The following TASP1 variants were observed in gnomAD, a reference collection of about 807,000 sequenced individuals.
TASP1 encodes the protein taspase 1.
TASP1 carries 16 observed loss-of-function variants against 56.6 expected under a neutral mutation model. The ratio of observed to expected loss-of-function variants is 0.28; its 90% CI spans 0.19 to 0.43. The LOEUF is 0.43. TASP1 is among the 20% of genes least tolerant of loss of function. TASP1 has a pLI of 1.00. For synonymous variants in TASP1, 179 were observed against 184.2 expected (o/e 0.97, Z 0.23); for missense variants, 393 against 511.6 (o/e 0.77, Z 2.24).
chr20:13,393,520 C>A, intron 13 of TASP1: 1 of 794,774 alleles, frequency 1.3e-6, no homozygotes, highest in South Asian at 1.4e-5. Context: ...CAGATTGTCT[C>A]CTCCAACAGT....
chr20:13,418,266 T>C (rs1256915937), intron 12 of TASP1, among the ~76,000 whole-genome samples: 5 of 152,190 alleles, frequency 3.3e-5, no homozygotes, highest in South Asian at 2.1e-4. Flanking sequence ...TTTGGAGAAA[T>C]GTCCATTCCA....
At chr20:13,493,216 G>A (rs6042169) in intron 10 of TASP1, among the ~76,000 whole-genome samples, 127,693 of 152,182 alleles carry the variant, frequency 0.84, 54,043 homozygotes, top group African/African-American at 0.95. Flanking sequence ...GCTTCATCCC[G>A]TCTACCATGT....
intron 6 of TASP1, among the ~76,000 whole-genome samples, chr20:13,571,626 A>G (rs1370917800): frequency 1.3e-5 from 2 of 152,146 alleles, no homozygotes; most frequent in African/African-American, 4.8e-5. Context: ...CCCTGACCTC[A>G]GTCAATTCTC....
chr20:13,221,306 G>A, the TASP1 span, among the ~76,000 whole-genome samples: 1 of 143,558 alleles, frequency 7.0e-6, no homozygotes, highest in South Asian at 2.2e-4. Flanking sequence ...TCTGGCGGCC[G>A]CTCCCGCTCC....
At chr20:13,136,619 A>AT in the TASP1 span, among the ~76,000 whole-genome samples, 1 of 94,216 alleles carries the variant, frequency 1.1e-5, no homozygotes, top group African/African-American at 2.8e-5. Flanking sequence ...ATATATATAT[A>AT]ATATACATAT....
chr20:13,436,682 A>G (rs1838831774), intron 11 of TASP1, among the ~76,000 whole-genome samples: 1 of 152,108 alleles, frequency 6.6e-6, no homozygotes, highest in African/African-American at 2.4e-5. Context: ...CAGTGAAATA[A>G]CCAGCTCCCA....
chr20:13,340,448 A>G, the TASP1 span, among the ~76,000 whole-genome samples: 1 of 152,002 alleles, frequency 6.6e-6, no homozygotes, highest in African/African-American at 2.4e-5. Flanking sequence ...CTATCTAACA[A>G]AAACTCCATC....
At chr20:13,120,470 A>G in the TASP1 span, among the ~76,000 whole-genome samples, 2 of 152,206 alleles carry the variant, frequency 1.3e-5, no homozygotes, top group Non-Finnish European at 2.9e-5. Flanking sequence ...TTTGAAAATA[A>G]TCAGTTAGCT....
chr20:13,172,481 C>G, the TASP1 span, among the ~76,000 whole-genome samples: 290 of 152,192 alleles, frequency 1.9e-3, no homozygotes, highest in African/African-American at 6.6e-3. Context: ...AAGGGGTTCT[C>G]TTTCATAAAT....
chr20:13,516,080 A>AT (rs1277068808), intron 10 of TASP1, among the ~76,000 whole-genome samples: 2 of 152,096 alleles, frequency 1.3e-5, no homozygotes, highest in African/African-American at 2.4e-5. Context: ...AATTTAATAT[A>AT]TTTTTTAAAA....
intron 10 of TASP1, among the ~76,000 whole-genome samples, chr20:13,490,006 C>G (rs1186728951): frequency 6.6e-6 from 1 of 152,094 alleles, no homozygotes; most frequent in Non-Finnish European, 1.5e-5. Context: ...GCTCAGAAAA[C>G]TTTACACTGA....
At chr20:13,368,870 G>T in the TASP1 span, among the ~76,000 whole-genome samples, 1 of 152,152 alleles carries the variant, frequency 6.6e-6, no homozygotes, top group African/African-American at 2.4e-5. Context: ...AAATACTCTA[G>T]ACTTGAGTTT....
chr20:13,527,258 G>T (rs1360207736), intron 10 of TASP1, among the ~76,000 whole-genome samples: 1 of 152,114 alleles, frequency 6.6e-6, no homozygotes, highest in African/African-American at 2.4e-5. Context: ...CGCAGAAAGA[G>T]CAGACAGAAA....
At chr20:13,463,365 T>G (rs1215923275) in intron 11 of TASP1, among the ~76,000 whole-genome samples, 1 of 151,988 alleles carries the variant, frequency 6.6e-6, no homozygotes, top group Non-Finnish European at 1.5e-5. Flanking sequence ...AAAAATAAAC[T>G]CATAATGAAT....
At chr20:13,233,433 T>G in the TASP1 span, among the ~76,000 whole-genome samples, 1 of 151,946 alleles carries the variant, frequency 6.6e-6, no homozygotes, top group Non-Finnish European at 1.5e-5. Flanking sequence ...CCATCTCTAC[T>G]GACAATACAA....
the TASP1 span, among the ~76,000 whole-genome samples, chr20:13,276,433 A>G: frequency 6.6e-6 from 1 of 152,124 alleles, no homozygotes; most frequent in Non-Finnish European, 1.5e-5. Context: ...GTGCATTGGA[A>G]CTTTTCCTCG....
chr20:13,369,004 G>A, the TASP1 span, among the ~76,000 whole-genome samples: 3 of 152,122 alleles, frequency 2.0e-5, no homozygotes, highest in African/African-American at 7.2e-5. Flanking sequence ...AATTAATACA[G>A]ATATATTCAG....
intron 11 of TASP1, among the ~76,000 whole-genome samples, chr20:13,436,181 A>T (rs2042993979): frequency 6.6e-6 from 1 of 152,166 alleles, no homozygotes; most frequent in African/African-American, 2.4e-5. Flanking sequence ...GTAAAATGCA[A>T]AAAGGTTCAG....
Position 13,569,491 on chromosome 20 carries a change from T to C in TASP1, c.568+16A>G, listed in dbSNP as rs1479890979. The stretch of plus-strand genomic sequence containing the variant: ...ATATGCTCATATAGCTTAATTTTTT[T>C]TAAGTTTTTACTCACTTGTGGTCAT... On this transcript the variant is annotated intron_variant, in intron 7 of 13. Coordinates refer to ENST00000337743, the MANE Select transcript of TASP1 (RefSeq NM_017714.3). 6.2e-7 allele frequency: 1 copy of C among 1,607,468 alleles called. No homozygotes were observed.
Sources: gnomAD v4.1 joint callset for allele counts (sites outside exome capture counted in the v4.1 genomes callset) on GRCh38, gnomAD v4.1.1 for gene constraint, MANE v1.5 for transcripts, NCBI Gene and HGNC (gene_info 2026-07-23, HGNC 2026-07-21) for gene names.